DPP6: variants seen among roughly 807,000 people sequenced by gnomAD.
The protein encoded by DPP6 is A-type potassium channel modulatory protein DPP6.
Under a neutral mutation model 122.6 loss-of-function variants are expected in DPP6, and 69 were observed. That is an observed-to-expected ratio of 0.56 (90% CI 0.46 to 0.69). The LOEUF (loss-of-function observed/expected upper bound fraction) is 0.69, where lower values mean the gene tolerates loss of function less well. Among genes scored for constraint, DPP6 ranks in the 30% least tolerant of loss-of-function variants. The pLI is 0.00. For synonymous variants in DPP6, 418 were observed against 433.1 expected, an observed-to-expected ratio of 0.97 and a Z score of 0.43; for missense variants, 928 against 1,116.9, an observed-to-expected ratio of 0.83 and a Z score of 2.41.
intron 1 of DPP6, among the ~76,000 whole-genome samples, chr7:154,102,335 A>G (rs1399567214): frequency 6.6e-6 from 1 of 152,048 alleles, no homozygotes; most frequent in Non-Finnish European, 1.5e-5. Flanking sequence ...GATTACAGGC[A>G]CACACCAATA....
chr7:154,422,209 C>G (rs901638514), intron 1 of DPP6, among the ~76,000 whole-genome samples: 6 of 152,166 alleles, frequency 3.9e-5, no homozygotes, highest in Admixed American at 2.0e-4. Flanking sequence ...TTGGCCAAAC[C>G]TAACTAAAAG....
At chr7:153,864,113 CTG>C in the DPP6 span, among the ~76,000 whole-genome samples, 16 of 152,266 alleles carry the variant, frequency 1.1e-4, no homozygotes, top group African/African-American at 3.6e-4. Flanking sequence ...ATTGAAATTG[CTG>C]AGTCAAATGG....
the DPP6 span, among the ~76,000 whole-genome samples, chr7:153,879,371 A>G: frequency 2.0e-5 from 3 of 151,984 alleles, no homozygotes; most frequent in African/African-American, 7.2e-5. Context: ...AATATCTTTT[A>G]TTTATTTGTT....
intron 1 of DPP6, among the ~76,000 whole-genome samples, chr7:154,381,427 CT>C (rs1232747932): frequency 2.0e-4 from 31 of 152,264 alleles, no homozygotes; most frequent in African/African-American, 7.2e-4. Flanking sequence ...TGTAATGCCT[CT>C]ATATGGGTCT....
At chr7:154,082,846 C>CTTTCT (rs1260484862) in intron 1 of DPP6, among the ~76,000 whole-genome samples, 7,049 of 106,258 alleles carry the variant, frequency 0.066, 801 homozygotes, top group African/African-American at 0.2. Flanking sequence ...TTTTCTTTTT[C>CTTTCT]TTTTTTTTTT....
chr7:154,242,398 G>GTA (rs138654576), intron 1 of DPP6, among the ~76,000 whole-genome samples: 1 of 152,112 alleles, frequency 6.6e-6, no homozygotes, highest in African/African-American at 2.4e-5. Flanking sequence ...GTGTGTGTGT[G>GTA]TATGTGTGTG....
intron 1 of DPP6, among the ~76,000 whole-genome samples, chr7:153,936,917 C>T (rs1002997119): frequency 2.0e-5 from 3 of 152,212 alleles, no homozygotes; most frequent in Admixed American, 2.0e-4. Context: ...GTTTGTGGGA[C>T]TTTGTATGGC....
At chr7:154,305,593 C>T (rs746624673) in intron 1 of DPP6, 10 of 1,560,940 alleles carry the variant, frequency 6.4e-6, no homozygotes, top group East Asian at 2.4e-5. Flanking sequence ...TGTGTGCGTG[C>T]GTGTGCATGC....
At chr7:154,416,636 G>C (rs1377681201) in intron 1 of DPP6, among the ~76,000 whole-genome samples, 1 of 142,890 alleles carries the variant, frequency 7.0e-6, no homozygotes, top group Non-Finnish European at 1.6e-5. Context: ...TGCAGTTTCA[G>C]GCATCCACTG....
chr7:153,939,142 C>A (rs1801585843), intron 1 of DPP6, among the ~76,000 whole-genome samples: 1 of 152,030 alleles, frequency 6.6e-6, no homozygotes, highest in African/African-American at 2.4e-5. Context: ...TTCAATGCCT[C>A]GAAGAAGGTG....
intron 1 of DPP6, among the ~76,000 whole-genome samples, chr7:153,936,454 C>T (rs561812190): frequency 3.9e-5 from 6 of 152,218 alleles, no homozygotes; most frequent in South Asian, 4.1e-4. Context: ...CATAGATAGA[C>T]GGTGTTCCCA....
intron 16 of DPP6, among the ~76,000 whole-genome samples, chr7:154,827,241 G>A (rs988305728): frequency 6.0e-5 from 9 of 150,682 alleles, no homozygotes; most frequent in African/African-American, 2.2e-4. Flanking sequence ...GACACCCACT[G>A]GATTTTGAAC....
intron 1 of DPP6, among the ~76,000 whole-genome samples, chr7:154,193,941 T>G (rs1798737152): frequency 6.6e-6 from 1 of 151,944 alleles, no homozygotes; most frequent in Non-Finnish European, 1.5e-5. Context: ...TGAATTGAAG[T>G]GCAATTGGTG....
chr7:154,796,844 T>C (rs1191939708), intron 12 of DPP6, among the ~76,000 whole-genome samples: 3 of 152,208 alleles, frequency 2.0e-5, no homozygotes, highest in Non-Finnish European at 4.4e-5. Context: ...CAGAGCCTCA[T>C]CAACAGACGG....
intron 1 of DPP6, among the ~76,000 whole-genome samples, chr7:154,348,373 C>G (rs908129839): frequency 4.6e-5 from 7 of 152,164 alleles, no homozygotes; most frequent in African/African-American, 1.7e-4. Flanking sequence ...AGGTTTTAAT[C>G]AAAATCCCTA....
At chr7:153,992,635 A>G (rs1040660866) in intron 1 of DPP6, among the ~76,000 whole-genome samples, 8 of 152,222 alleles carry the variant, frequency 5.3e-5, no homozygotes, top group African/African-American at 1.7e-4. Flanking sequence ...AGGCCTAATC[A>G]TGTCAATTCC....
chr7:154,010,360 A>G (rs1035913690), intron 1 of DPP6, among the ~76,000 whole-genome samples: 1 of 152,256 alleles, frequency 6.6e-6, no homozygotes, highest in African/African-American at 2.4e-5. Flanking sequence ...GCATGTTGCA[A>G]AATCAAACAG....
chr7:154,296,611 A>G (rs956462819), intron 1 of DPP6, among the ~76,000 whole-genome samples: 1 of 152,224 alleles, frequency 6.6e-6, no homozygotes, highest in African/African-American at 2.4e-5. Context: ...ATGAAGGTTT[A>G]TGACGAGTAA....
intron 7 of DPP6, among the ~76,000 whole-genome samples, chr7:154,709,125 T>G (rs887047991): frequency 7.9e-5 from 12 of 152,198 alleles, no homozygotes; most frequent in Non-Finnish European, 1.6e-4. Flanking sequence ...GGCCTTAGTT[T>G]TATTAAAAAC....
Sources: allele counts gnomAD v4.1 joint callset (sites outside exome capture counted in the v4.1 genomes callset), GRCh38; gene constraint gnomAD v4.1.1; transcripts MANE v1.5; gene names NCBI Gene and HGNC (gene_info 2026-07-23, HGNC 2026-07-21).